GLDN: variants seen among roughly 807,000 people sequenced by gnomAD.
GLDN encodes the protein collomin.
Under a neutral mutation model 56.5 loss-of-function variants are expected in GLDN, and 47 were observed. The observed-to-expected ratio is 0.83, with a 90% CI of 0.66 to 1.06. The LOEUF (loss-of-function observed/expected upper bound fraction) is 1.06. GLDN is among the 50% of genes least tolerant of loss of function. GLDN has a pLI of 0.00. For synonymous variants in GLDN, 332 were observed against 278.8 expected (o/e 1.19, Z -1.90); for missense variants, 782 against 714.3 (o/e 1.09, Z -1.08).
intron 5 of GLDN, among the ~76,000 whole-genome samples, chr15:51,395,486 C>T (rs1376368036): frequency 6.6e-6 from 1 of 152,124 alleles, no homozygotes; most frequent in African/African-American, 2.4e-5. Flanking sequence ...AGAAGAGACC[C>T]AGGGCCAGCA....
At chr15:51,403,015 G>T (rs921318381) in intron 9 of GLDN, among the ~76,000 whole-genome samples, 1 of 152,150 alleles carries the variant, frequency 6.6e-6, no homozygotes, top group African/African-American at 2.4e-5. Context: ...TGTTATATAG[G>T]GCTATTGCCA....
rs752580651 is a variant in GLDN, at chr15:51,349,222, G to GA, written c.363+7183dup. Among the ~76,000 whole-genome samples the GA allele has an allele frequency of 5.3e-5, 8 of 152,184 alleles. No homozygotes were observed. In the South Asian group the frequency reaches 8.3e-4, roughly 16 times the overall value. On this transcript the variant is annotated intron_variant, in intron 1 of 9. Coordinates refer to ENST00000335449, the MANE Select transcript of GLDN (RefSeq NM_181789.4). ...ATCTAGAAATTCTATTGTTTATAGAGAAAAAAAATCACATTACCTACAGTC... is the reference window on the plus strand; with the variant it reads ...ATCTAGAAATTCTATTGTTTATAGAGAAAAAAAAATCACATTACCTACAGTC...
intron 1 of GLDN, among the ~76,000 whole-genome samples, chr15:51,342,668 G>A (rs2036908023): frequency 6.6e-6 from 1 of 152,180 alleles, no homozygotes; most frequent in African/African-American, 2.4e-5. Context: ...AATGAGGGAC[G>A]TCAATATGGT....
chr15:51,385,475 A>G (rs1439365634), intron 4 of GLDN: 1 of 152,268 alleles, frequency 6.6e-6, no homozygotes, highest in Admixed American at 6.5e-5. Flanking sequence ...AGATTCAGAA[A>G]TAAGCCCCCC....
intron 1 of GLDN, among the ~76,000 whole-genome samples, chr15:51,355,789 C>T (rs1230781837): frequency 1.1e-4 from 16 of 150,276 alleles, no homozygotes; most frequent in East Asian, 2.0e-4. Context: ...TCCCAAAGTG[C>T]TGGGATTACA....
At chr15:51,354,661 G>A (rs1186330120) in intron 1 of GLDN, among the ~76,000 whole-genome samples, 2 of 152,328 alleles carry the variant, frequency 1.3e-5, no homozygotes, top group East Asian at 1.9e-4. Context: ...AGCCAGACAG[G>A]CCTTCCTGTA....
intron 1 of GLDN, among the ~76,000 whole-genome samples, chr15:51,365,447 T>C (rs2037381764): frequency 6.6e-6 from 1 of 152,360 alleles, no homozygotes; most frequent in South Asian, 2.1e-4. Context: ...CCAGGTGTTA[T>C]GGTAACAGCA....
In GLDN at chr15:51,383,974, C is replaced by G. The variant is rs950373033; in HGVS notation, c.541+82C>G. 5 of 1,052,340 alleles carry G rather than the reference C, an allele frequency of 4.8e-6. No individual in the cohort carries two copies. In the East Asian group the frequency reaches 1.3e-4, roughly 27 times the overall value. 65.2% of individuals were successfully genotyped at this position (1,052,340 alleles called of 1,614,324 possible). On this transcript the variant is annotated intron_variant, in intron 4 of 9. Transcript: ENST00000335449. ...TTGGGTCGACTAAAACTGTGTGCAG[C>G]AGGGGTAAGGTGTTTCATCTCTGCA...
intron 1 of GLDN, among the ~76,000 whole-genome samples, chr15:51,346,585 T>C (rs1294023713): frequency 6.6e-6 from 1 of 152,234 alleles, no homozygotes; most frequent in Non-Finnish European, 1.5e-5. Context: ...AAGGAAAATA[T>C]GAGTATATCA....
Position 51,400,557 on chromosome 15 carries a change from C to T in GLDN, c.1027+59C>T, listed in dbSNP as rs2038229262. On this transcript the variant is annotated intron_variant, in intron 8 of 9. Coordinates refer to ENST00000335449, the MANE Select transcript of GLDN (RefSeq NM_181789.4). ...TGGTAACTGTATTTTTCATCTGTTG[C>T]CTACCTTTGGGCGTATTCCATTTGT... The T allele has an allele frequency of 1.2e-5, 18 of 1,564,306 alleles. No individual in the cohort carries two copies. The South Asian group carries it at 1.5e-4, about 13-fold the overall frequency.
chr15:51,367,770 T>G (rs992535768), intron 1 of GLDN, among the ~76,000 whole-genome samples: 7 of 152,192 alleles, frequency 4.6e-5, no homozygotes, highest in Non-Finnish European at 5.9e-5. Context: ...CACCCCAGTG[T>G]CAGCCTGGCT....
chr15:51,352,067 G>T (rs146814999), intron 1 of GLDN, among the ~76,000 whole-genome samples: 5 of 151,970 alleles, frequency 3.3e-5, no homozygotes, highest in African/African-American at 9.7e-5. Flanking sequence ...AATACCATAG[G>T]CTAGGTAGCT....
chr15:51,397,161 C>T (rs1201867827), intron 5 of GLDN, among the ~76,000 whole-genome samples: 1 of 152,092 alleles, frequency 6.6e-6, no homozygotes, highest in African/African-American at 2.4e-5. Context: ...GATCTCTGCC[C>T]CTTCCTGGTG....
Position 51,348,543 on chromosome 15 carries a change from A to G in GLDN, c.363+6496A>G, listed in dbSNP as rs547773691. On this transcript the variant is annotated intron_variant, in intron 1 of 9. Transcript: ENST00000335449. ...TAGTAGAAATCTCACTATCTTGCCCAGGCTGGTCTTGAACTGCTGGGCTCT... is the reference window on the plus strand; with the variant it reads ...TAGTAGAAATCTCACTATCTTGCCCGGGCTGGTCTTGAACTGCTGGGCTCT... Among the ~76,000 whole-genome samples, 295 of 152,126 alleles carry G rather than the reference A, an allele frequency of 1.9e-3. 1 individual carries two copies. The highest frequency in any genetic ancestry group is 6.8e-3 in the African/African-American group (284 of 41,494).
chr15:51,343,720 G>A (rs2036927479), intron 1 of GLDN, among the ~76,000 whole-genome samples: 1 of 152,170 alleles, frequency 6.6e-6, no homozygotes, highest in African/African-American at 2.4e-5. Flanking sequence ...TTAGAGTCAT[G>A]AGGGCCTGTC....
At position 51,397,516 on chromosome 15, in the gene GLDN, C is replaced by T. The variant is rs1446126541; in HGVS notation, c.735C>T (p.Gly245=). The T allele has an allele frequency of 3.1e-6, 5 of 1,593,904 alleles. No individual in the cohort carries two copies. Among genetic ancestry groups the T allele is most frequent in the South Asian group, 1.1e-5 (1 of 88,182 alleles). Residue 245 remains glycine, a synonymous_variant, in exon 6 of 10, where the codon GGC becomes GGT. Transcript: ENST00000335449. ...CACCCGGTCCACCTGGGCCCCCAGG[C>T]CCTCCAGGTCCTCCAGGGCCCCCTG... ...QGPPGPPGPP[G]PPGPPGPPGS... is the part of the protein sequence containing the mutation.
At chr15:51,352,976 G>A (rs1403473759) in intron 1 of GLDN, among the ~76,000 whole-genome samples, 1 of 152,156 alleles carries the variant, frequency 6.6e-6, no homozygotes, top group Non-Finnish European at 1.5e-5. Flanking sequence ...TATGGCTTAA[G>A]AGTCAGGCAG....
intron 1 of GLDN, among the ~76,000 whole-genome samples, chr15:51,358,934 T>C (rs1419109191): frequency 6.6e-6 from 1 of 152,112 alleles, no homozygotes; most frequent in African/African-American, 2.4e-5. Flanking sequence ...GTGCCATATA[T>C]ACAGGTTTTT....
chr15:51,349,942 A>T (rs2037045873), intron 1 of GLDN, among the ~76,000 whole-genome samples: 1 of 152,024 alleles, frequency 6.6e-6, no homozygotes, highest in East Asian at 1.9e-4. Context: ...ACGGGGTTTC[A>T]CCGTGTTAGC....
Sources: gnomAD v4.1 joint callset for allele counts (sites outside exome capture counted in the v4.1 genomes callset) on GRCh38, gnomAD v4.1.1 for gene constraint, MANE v1.5 for transcripts, NCBI Gene and HGNC (gene_info 2026-07-23, HGNC 2026-07-21) for gene names.